The following BMERB1 variants were observed in gnomAD, a reference collection of about 807,000 sequenced individuals.
BMERB1 encodes bMERB domain containing 1, also known as bMERB domain-containing protein 1.
In BMERB1, 12 loss-of-function variants were observed where a neutral mutation model predicts 23.6. The ratio of observed to expected loss-of-function variants is 0.51; its 90% CI spans 0.33 to 0.82. The LOEUF (loss-of-function observed/expected upper bound fraction) is 0.82. BMERB1 is among the 40% of genes least tolerant of loss of function. The probability of loss-of-function intolerance (pLI) is 0.03; values close to 1 mark genes in which losing one functional copy is unlikely to be tolerated. For synonymous variants in BMERB1, 122 were observed against 96.6 expected (o/e 1.26, Z -1.54); for missense variants, 247 against 255.4 (o/e 0.97, Z 0.22).
intron 2 of BMERB1, among the ~76,000 whole-genome samples, chr16:15,530,194 A>G (rs2051953604): frequency 6.6e-6 from 1 of 152,152 alleles, no homozygotes; most frequent in Admixed American, 6.5e-5. Context: ...TATGCCTAGC[A>G]TTCCATTATT....
intron 1 of BMERB1, among the ~76,000 whole-genome samples, chr16:15,472,361 A>G (rs1410361616): frequency 2.0e-5 from 3 of 152,220 alleles, no homozygotes; most frequent in Non-Finnish European, 4.4e-5. Flanking sequence ...GAAGTGATCA[A>G]TTGTAACTGT....
intron 2 of BMERB1, among the ~76,000 whole-genome samples, chr16:15,553,105 T>A (rs545835842): frequency 3.9e-4 from 59 of 152,260 alleles, no homozygotes; most frequent in African/African-American, 1.4e-3. Flanking sequence ...TCTCCCAGGT[T>A]CAAGCAATTC....
rs563693957 is a variant in BMERB1, at chr16:15,507,656, C to T, written c.107-7649C>T. The stretch of plus-strand genomic sequence containing the variant: ...CGTGGAGACATTCCTTGGCAGCTGT[C>T]GGATGCCTGCCTTCTAGTTGGAAAA... On this transcript the variant is annotated intron_variant, in intron 1 of 5. Transcript: ENST00000300006. Among the ~76,000 whole-genome samples the T allele has an allele frequency of 1.4e-4, 22 of 152,276 alleles. No individual in the cohort carries two copies. The South Asian group carries it at 4.6e-3, about 32-fold the overall frequency.
intron 3 of BMERB1, among the ~76,000 whole-genome samples, chr16:15,578,734 A>G (rs968848242): frequency 2.0e-5 from 3 of 152,162 alleles, no homozygotes; most frequent in Admixed American, 1.3e-4. Flanking sequence ...GGAAGGGGCA[A>G]ACAAGCTCCC....
At chr16:15,485,310 T>G (rs1435937779) in intron 1 of BMERB1, among the ~76,000 whole-genome samples, 4 of 152,182 alleles carry the variant, frequency 2.6e-5, no homozygotes, top group Non-Finnish European at 4.4e-5. Flanking sequence ...TTCACTAGGC[T>G]TAGGGAGCTG....
At chr16:15,548,840 AGTG>A (rs1248259150) in intron 2 of BMERB1, among the ~76,000 whole-genome samples, 2 of 152,288 alleles carry the variant, frequency 1.3e-5, no homozygotes, top group East Asian at 3.9e-4. Context: ...GGGAATTGCC[AGTG>A]GTGATGGTAG....
At chr16:15,579,170 T>C (rs2030946217) in intron 3 of BMERB1, among the ~76,000 whole-genome samples, 1 of 152,278 alleles carries the variant, frequency 6.6e-6, no homozygotes, top group Non-Finnish European at 1.5e-5. Flanking sequence ...CACTTGGGAA[T>C]GTCAGAGTGC....
chr16:15,440,945 C>G (rs2050934632), intron 1 of BMERB1, among the ~76,000 whole-genome samples: 1 of 152,076 alleles, frequency 6.6e-6, no homozygotes, highest in South Asian at 2.1e-4. Context: ...GTTCAGGAAG[C>G]GCTTCTCTAA....
At chr16:15,490,047 G>A (rs1179605624) in intron 1 of BMERB1, among the ~76,000 whole-genome samples, 1 of 151,858 alleles carries the variant, frequency 6.6e-6, no homozygotes, top group Non-Finnish European at 1.5e-5. Flanking sequence ...TGTATTTTTT[G>A]TAGAGACGGA....
chr16:15,473,467 A>G (rs1015696146), intron 1 of BMERB1, among the ~76,000 whole-genome samples: 2 of 148,704 alleles, frequency 1.3e-5, no homozygotes, highest in African/African-American at 5.0e-5. Flanking sequence ...TAATTTTTGT[A>G]TTTTTAGTAG....
chr16:15,586,501 T>C (rs1159897530), intron 5 of BMERB1, among the ~76,000 whole-genome samples: 3 of 152,142 alleles, frequency 2.0e-5, no homozygotes, highest in Non-Finnish European at 2.9e-5. Flanking sequence ...AAGCTGAGCA[T>C]TGAGGACCAT....
chr16:15,471,475 C>T (rs559694699), intron 1 of BMERB1, among the ~76,000 whole-genome samples: 22 of 152,274 alleles, frequency 1.4e-4, no homozygotes, highest in African/African-American at 5.1e-4. Flanking sequence ...TGGTCCATTT[C>T]ATTAAGTTGT....
At chr16:15,542,017 A>G (rs1384946656) in intron 2 of BMERB1, among the ~76,000 whole-genome samples, 1 of 144,810 alleles carries the variant, frequency 6.9e-6, no homozygotes, top group Non-Finnish European at 1.5e-5. Flanking sequence ...AGTAGCTGGG[A>G]TTACAGGCAT....
intron 1 of BMERB1, among the ~76,000 whole-genome samples, chr16:15,495,467 A>G (rs1221880560): frequency 6.6e-6 from 1 of 150,624 alleles, no homozygotes; most frequent in Non-Finnish European, 1.5e-5. Context: ...CCGGGTTCAC[A>G]CCATTCTCCT....
intron 1 of BMERB1, among the ~76,000 whole-genome samples, chr16:15,439,293 T>C (rs1351866254): frequency 6.6e-6 from 1 of 152,202 alleles, no homozygotes; most frequent in East Asian, 1.9e-4. Context: ...TGTGTGTCAG[T>C]TGCCTCATCT....
At chr16:15,564,236 C>T (rs1333447698) in intron 2 of BMERB1, among the ~76,000 whole-genome samples, 1 of 152,222 alleles carries the variant, frequency 6.6e-6, no homozygotes, top group African/African-American at 2.4e-5. Context: ...TGTCCATAGT[C>T]ATTACTCAAT....
chr16:15,497,526 T>A (rs2051484757), intron 1 of BMERB1, among the ~76,000 whole-genome samples: 1 of 152,238 alleles, frequency 6.6e-6, no homozygotes, highest in Non-Finnish European at 1.5e-5. Context: ...TCTATGGGAC[T>A]ACTTGTGTTG....
At chr16:15,526,015 TTTCAGTTTAAATTAA>T in intron 2 of BMERB1, among the ~76,000 whole-genome samples, 1 of 152,224 alleles carries the variant, frequency 6.6e-6, no homozygotes, top group African/African-American at 2.4e-5. Flanking sequence ...CATGTGGCTA[TTTCAGTTTAAATTAA>T]TTAAAATTAA....
rs774212028 is a variant in BMERB1, at chr16:15,586,867, C to G, written c.*38C>G. The G allele has an allele frequency of 7.1e-5, 95 of 1,341,454 alleles. No homozygotes were observed. The highest frequency in any genetic ancestry group is 9.1e-5 in the Non-Finnish European group (88 of 971,166). The allele number at this position is 1,341,454 out of a possible 1,614,324, so 83.1% of individuals were successfully genotyped here. On this transcript the variant is annotated 3_prime_UTR_variant, in exon 6 of 6. Coordinates refer to ENST00000300006, the MANE Select transcript of BMERB1 (RefSeq NM_033201.3). ...GTGCCCTGGGCCATGGGGACCCCCC[C>G]CCACCCTCTTGTCTTTATAGCCCCC...
Sources: gnomAD v4.1 joint callset for allele counts (sites outside exome capture counted in the v4.1 genomes callset) on GRCh38, gnomAD v4.1.1 for gene constraint, MANE v1.5 for transcripts, NCBI Gene and HGNC (gene_info 2026-07-23, HGNC 2026-07-21) for gene names.